MICAL2: variants seen among roughly 807,000 people sequenced by gnomAD.
MICAL2 encodes the protein microtubule associated monooxygenase, calponin and LIM domain containing 2.
A neutral mutation model predicts 127.3 loss-of-function variants in MICAL2; 77 were observed. That is an observed-to-expected ratio of 0.60 (90% CI 0.50 to 0.73). The LOEUF (loss-of-function observed/expected upper bound fraction) is 0.73, where lower values mean the gene tolerates loss of function less well. Among genes scored for constraint, MICAL2 ranks in the 30% least tolerant of loss-of-function variants. The probability of loss-of-function intolerance (pLI) is 0.00; values close to 1 mark genes in which losing one functional copy is unlikely to be tolerated. For missense variants in MICAL2, 1,351 were observed against 1,434.4 expected (o/e 0.94, Z 0.94); for synonymous variants, 570 against 551.1 (o/e 1.03, Z -0.48).
chr11:12,242,673 G>A lies in MICAL2; in HGVS notation c.2559G>A (p.Lys853=), dbSNP rs754471585. Residue 853 remains lysine (K), a splice_region_variant and synonymous_variant, in exon 20 of 28, where the codon AAG becomes AAA. Transcript: ENST00000683283. ...LQQVEEKILQ[K]RAQNLANREF... ...CTCCTTTCTCACCTTCACTGCAGAAGAGGGCTCAGAACTTGGCCAACAGGG... is the reference window on the plus strand; with the variant it reads ...CTCCTTTCTCACCTTCACTGCAGAAAAGGGCTCAGAACTTGGCCAACAGGG... 6.2e-7 allele frequency: 1 copy of A among 1,612,298 alleles called. No individual in the cohort carries two copies. Among genetic ancestry groups the A allele is most frequent in the Non-Finnish European group, 8.5e-7 (1 of 1,179,004 alleles).
At chr11:12,210,139 T>C (rs1855263603) in intron 6 of MICAL2, among the ~76,000 whole-genome samples, 1 of 152,200 alleles carries the variant, frequency 6.6e-6, no homozygotes. Flanking sequence ...CTTGCCAAAC[T>C]GTCAAGGTAC....
At chr11:12,219,907 G>A (rs1856625754) in intron 8 of MICAL2, among the ~76,000 whole-genome samples, 1 of 152,172 alleles carries the variant, frequency 6.6e-6, no homozygotes, top group Non-Finnish European at 1.5e-5. Flanking sequence ...CCTCCCCTGA[G>A]GAATTTCTAC....
At chr11:12,223,733 G>A (rs1015946234) in intron 12 of MICAL2, among the ~76,000 whole-genome samples, 3 of 152,262 alleles carry the variant, frequency 2.0e-5, no homozygotes, top group South Asian at 2.1e-4. Flanking sequence ...AGTGTGTGTC[G>A]AGAGCTTCAC....
At chr11:12,148,817 G>A (rs929778786) in intron 2 of MICAL2, among the ~76,000 whole-genome samples, 5 of 115,786 alleles carry the variant, frequency 4.3e-5, no homozygotes, top group Non-Finnish European at 8.1e-5. Flanking sequence ...AGAAAAGGGG[G>A]CCCAGGGAGG....
intron 9 of MICAL2, among the ~76,000 whole-genome samples, chr11:12,221,183 T>C (rs759708779): frequency 6.6e-6 from 1 of 152,040 alleles, no homozygotes; most frequent in Non-Finnish European, 1.5e-5. Context: ...CCAGCTCGGT[T>C]TCTCCCTCCC....
chr11:12,122,279 G>A (rs960204779), intron 1 of MICAL2, among the ~76,000 whole-genome samples: 1 of 152,240 alleles, frequency 6.6e-6, no homozygotes, highest in Non-Finnish European at 1.5e-5. Context: ...GTGGCCTGCA[G>A]GTGGCCTCTT....
At chr11:12,130,469 G>C (rs1437330255) in intron 1 of MICAL2, among the ~76,000 whole-genome samples, 1 of 152,188 alleles carries the variant, frequency 6.6e-6, no homozygotes, top group East Asian at 1.9e-4. Context: ...GCCAAGGTGG[G>C]ACTAAACCCA....
At chr11:12,145,125 C>T (rs1852755488) in intron 2 of MICAL2, among the ~76,000 whole-genome samples, 1 of 121,142 alleles carries the variant, frequency 8.3e-6, no homozygotes, top group South Asian at 3.7e-4. Context: ...TACCTAAGAA[C>T]TGTCCAGCTG....
At chr11:12,284,093 G>C (rs546110378) in intron 2 of MICAL2, among the ~76,000 whole-genome samples, 2 of 152,290 alleles carry the variant, frequency 1.3e-5, no homozygotes, top group Non-Finnish European at 2.9e-5. Flanking sequence ...TGAATTCATT[G>C]TGAAATCCAC....
chr11:12,346,558 CCCT>C (rs1292210486), intron 32 of MICAL2, among the ~76,000 whole-genome samples: 1 of 152,112 alleles, frequency 6.6e-6, no homozygotes, highest in African/African-American at 2.4e-5. Context: ...CTTGTTCTTC[CCCT>C]CCTCTCCCTG....
chr11:12,221,634 T>C lies in MICAL2; in HGVS notation c.1207-10T>C, dbSNP rs376865540. ...GAATCAACTGGAATTTTGCACGTTTTCTTTTGCAGCCATTTTGGCCCATGG... is the reference window on the plus strand; with the variant it reads ...GAATCAACTGGAATTTTGCACGTTTCCTTTTGCAGCCATTTTGGCCCATGG... On this transcript the variant is annotated splice_polypyrimidine_tract_variant and intron_variant, in intron 9 of 27. Transcript: ENST00000683283. 4.2e-5 allele frequency: 67 copies of C among 1,600,574 alleles called. No individual in the cohort carries two copies. The highest frequency in any genetic ancestry group is 2.5e-4 in the East Asian group (11 of 44,594).
chr11:12,178,767 G>A (rs1358220541), intron 3 of MICAL2, among the ~76,000 whole-genome samples: 1 of 150,996 alleles, frequency 6.6e-6, no homozygotes, highest in Non-Finnish European at 1.5e-5. Flanking sequence ...TGTTGCCCAG[G>A]CTGGAGTGCA....
chr11:12,209,366 C>T, intron 5 of MICAL2, 131 bp from the exon 6 acceptor site: 2 of 748,444 alleles, frequency 2.7e-6, no homozygotes, highest in Admixed American at 1.9e-5. Flanking sequence ...TCTAGCCTTT[C>T]CCCTGGAGGC....
intron 32 of MICAL2, among the ~76,000 whole-genome samples, chr11:12,336,093 C>T (rs566724052): frequency 2.6e-5 from 4 of 152,056 alleles, no homozygotes; most frequent in African/African-American, 4.8e-5. Context: ...GAGCATGGAA[C>T]GTTCTTCCAT....
At chr11:12,178,724 C>CT (rs1373043948) in intron 3 of MICAL2, among the ~76,000 whole-genome samples, 2 of 116,292 alleles carry the variant, frequency 1.7e-5, no homozygotes, top group Non-Finnish European at 3.9e-5. Flanking sequence ...ATTATTATTA[C>CT]TATTTTTTTT....
chr11:12,212,390 C>T (rs923229566), intron 6 of MICAL2, among the ~76,000 whole-genome samples: 2 of 152,066 alleles, frequency 1.3e-5, no homozygotes, highest in African/African-American at 2.4e-5. Flanking sequence ...GTGGGAGGAT[C>T]GCTTGACCCT....
At chr11:12,225,486 C>T (rs1043547036) in intron 13 of MICAL2, 1 of 152,054 alleles carries the variant, frequency 6.6e-6, no homozygotes. Flanking sequence ...GGAGGATGGA[C>T]CGTCTTTTTT....
At chr11:12,203,857 T>C (rs1037691736) in intron 3 of MICAL2, among the ~76,000 whole-genome samples, 3 of 152,096 alleles carry the variant, frequency 2.0e-5, no homozygotes, top group Admixed American at 6.5e-5. Context: ...AGATGTACCA[T>C]ATGCTTTTTA....
downstream of MICAL2, among the ~76,000 whole-genome samples, chr11:12,291,395 G>T (rs1007736969): frequency 1.3e-5 from 2 of 152,152 alleles, no homozygotes; most frequent in African/African-American, 4.8e-5. Flanking sequence ...TCTTACAGTA[G>T]GCTATGACTG....
Sources: allele counts gnomAD v4.1 joint callset (sites outside exome capture counted in the v4.1 genomes callset), GRCh38; gene constraint gnomAD v4.1.1; transcripts MANE v1.5; gene names NCBI Gene and HGNC (gene_info 2026-07-23, HGNC 2026-07-21).